The following PPP2R2B variants were observed in gnomAD, a reference collection of about 807,000 sequenced individuals.
PPP2R2B encodes protein phosphatase 2 regulatory subunit Bbeta, also known as serine/threonine-protein phosphatase 2A 55 kDa regulatory subunit B beta isoform.
A neutral mutation model predicts 46.0 loss-of-function variants in PPP2R2B; 5 were observed. The observed-to-expected ratio is 0.11, with a 90% CI of 0.06 to 0.23. The LOEUF is 0.23. Among genes scored for constraint, PPP2R2B ranks in the 10% least tolerant of loss-of-function variants. PPP2R2B has a pLI of 1.00. For missense variants in PPP2R2B, 367 were observed against 575.0 expected (o/e 0.64, Z 3.70); for synonymous variants, 215 against 206.7 (o/e 1.04, Z -0.34).
intron 7 of PPP2R2B, among the ~76,000 whole-genome samples, chr5:146,615,531 G>GAA (rs1253673718): frequency 3.6e-5 from 4 of 111,176 alleles, no homozygotes; most frequent in African/African-American, 7.1e-5. Flanking sequence ...AAAAAAAAAA[G>GAA]AAAAAAAAAA....
In PPP2R2B at chr5:146,586,866, C is replaced by T. The variant is rs1770189397; in HGVS notation, c.*3081G>A. ...TTTTTTGTTTTTTCTAACTAATCTT[C>T]CTCCTCCTGACAGAAGAGTACGAAT... On this transcript the variant is annotated 3_prime_UTR_variant, in exon 10 of 10. Transcript: ENST00000394411. 6.6e-6 allele frequency: 1 copy of T among 152,128 alleles called. No individual in the cohort carries two copies. 9.4% of individuals were successfully genotyped at this position (152,128 alleles called of 1,614,324 possible). A position where few individuals can be genotyped will look rare whatever the true frequency, so the allele number is the denominator to read the frequency against.
chr5:146,725,881 C>G (rs1201807181), intron 2 of PPP2R2B, among the ~76,000 whole-genome samples: 1 of 152,198 alleles, frequency 6.6e-6, no homozygotes, highest in East Asian at 1.9e-4. Context: ...CACTGTTGTA[C>G]CTTGTGCCTA....
intron 2 of PPP2R2B, among the ~76,000 whole-genome samples, chr5:146,829,857 A>G (rs1232070415): frequency 6.6e-6 from 1 of 152,160 alleles, no homozygotes; most frequent in Non-Finnish European, 1.5e-5. Context: ...CATTGCAGGC[A>G]AATTGGCTAG....
chr5:146,702,671 G>A (rs1168804416), intron 2 of PPP2R2B, among the ~76,000 whole-genome samples: 1 of 152,156 alleles, frequency 6.6e-6, no homozygotes, highest in Non-Finnish European at 1.5e-5. Context: ...TTTATACATT[G>A]GCAAGTATTT....
chr5:146,709,017 C>G (rs1780065030), intron 2 of PPP2R2B, among the ~76,000 whole-genome samples: 1 of 152,232 alleles, frequency 6.6e-6, no homozygotes, highest in Non-Finnish European at 1.5e-5. Context: ...ACACATGCCA[C>G]ATGCTTGCTA....
rs574936190 is a variant in PPP2R2B, at chr5:146,924,852, C to T, written c.79+130813G>A. 2.8e-3 allele frequency among the ~76,000 whole-genome samples: 427 copies of T among 152,214 alleles called. 2 individuals are homozygous for T. The highest frequency in any genetic ancestry group is 5.0e-3 in the Non-Finnish European group (337 of 68,016). On this transcript the variant is annotated intron_variant, in intron 1 of 8. Transcript: ENST00000336640. ...ATGGTTTCCAGCTTCATCCATGTCC[C>T]TGCAAAGGACATCAACTCATCCTTT...
At chr5:146,631,746 A>G (rs1349430833) in intron 7 of PPP2R2B, among the ~76,000 whole-genome samples, 2 of 152,200 alleles carry the variant, frequency 1.3e-5, no homozygotes, top group East Asian at 3.8e-4. Flanking sequence ...CACACGGACA[A>G]CCTGCCTGGT....
chr5:146,652,150 G>C (rs976156295), intron 5 of PPP2R2B, among the ~76,000 whole-genome samples: 2 of 152,164 alleles, frequency 1.3e-5, no homozygotes, highest in African/African-American at 4.8e-5. Flanking sequence ...GCAGCGAATG[G>C]GAGACCAGGG....
intron 2 of PPP2R2B, among the ~76,000 whole-genome samples, chr5:146,757,211 T>C (rs1753888053): frequency 6.6e-6 from 1 of 152,064 alleles, no homozygotes; most frequent in South Asian, 2.1e-4. Flanking sequence ...GCCCAGGCCA[T>C]GGTGGAATGT....
chr5:146,842,330 C>T (rs1356099350), intron 2 of PPP2R2B, among the ~76,000 whole-genome samples: 1 of 151,884 alleles, frequency 6.6e-6, no homozygotes, highest in Non-Finnish European at 1.5e-5. Context: ...TTCCTTCCCA[C>T]CCCCACACAT....
At position 146,896,455 on chromosome 5, in the gene PPP2R2B, T is replaced by C. The variant is rs575406801; in HGVS notation, c.79+159210A>G. Among the ~76,000 whole-genome samples, 133 of 152,300 alleles carry C rather than the reference T, an allele frequency of 8.7e-4. 2 individuals are homozygous for C. The highest frequency in any genetic ancestry group is 3.1e-3 in the African/African-American group (128 of 41,562). On this transcript the variant is annotated intron_variant, in intron 1 of 8. Coordinates refer to the PPP2R2B transcript ENST00000336640. ...TTCCACTTACATTTCTCTATGCAAA[T>C]TTCTGTTCCAGCCTTCCACTCAGTA... is the stretch of plus-strand genomic sequence containing the variant.
At chr5:147,056,173 G>T, upstream of PPP2R2B, 1 of 981,804 alleles carries the variant, frequency 1.0e-6, no homozygotes, top group Non-Finnish European at 1.2e-6. Context: ...CTCTTATTTA[G>T]CTGAAAGATC....
chr5:146,676,802 T>C (rs1479508972), intron 5 of PPP2R2B, among the ~76,000 whole-genome samples: 1 of 152,190 alleles, frequency 6.6e-6, no homozygotes, highest in Admixed American at 6.5e-5. Flanking sequence ...AGTAGGGACT[T>C]AATAAGTGCT....
At chr5:147,039,238 C>T (rs1413918490) in intron 1 of PPP2R2B, among the ~76,000 whole-genome samples, 2 of 152,086 alleles carry the variant, frequency 1.3e-5, no homozygotes, top group Non-Finnish European at 1.5e-5. Context: ...AATGATTTAC[C>T]CTGTTTTTAT....
intron 2 of PPP2R2B, among the ~76,000 whole-genome samples, chr5:146,822,838 G>A (rs912290685): frequency 3.3e-5 from 5 of 152,056 alleles, no homozygotes; most frequent in African/African-American, 2.4e-5. Flanking sequence ...CACCACTAAA[G>A]CACCAAGATA....
At chr5:146,608,614 G>A (rs1772534359) in intron 7 of PPP2R2B, among the ~76,000 whole-genome samples, 1 of 152,146 alleles carries the variant, frequency 6.6e-6, no homozygotes, top group Non-Finnish European at 1.5e-5. Context: ...GGCCAATATG[G>A]TGAAACCCCA....
At chr5:146,818,309 G>A (rs1758052617) in intron 2 of PPP2R2B, among the ~76,000 whole-genome samples, 2 of 150,316 alleles carry the variant, frequency 1.3e-5, no homozygotes. Context: ...AATAATTAAT[G>A]AAATAAATTG....
chr5:146,986,248 A>C (rs1382947580), intron 1 of PPP2R2B, among the ~76,000 whole-genome samples: 1 of 152,164 alleles, frequency 6.6e-6, no homozygotes, highest in Non-Finnish European at 1.5e-5. Flanking sequence ...GAGACTTTGC[A>C]TTGGAACTTA....
rs781377067 is a variant in PPP2R2B at position 146,593,030 on chromosome 5, G to T, written c.993C>A (p.Ser331=). 5 of 1,613,848 alleles carry T rather than the reference G, an allele frequency of 3.1e-6. No individual in the cohort carries two copies. Among genetic ancestry groups the T allele is most frequent in the Non-Finnish European group, 4.2e-6 (5 of 1,179,828 alleles). Residue 331 remains serine (S), a synonymous_variant, in exon 9 of 10, where the codon TCC becomes TCA. Coordinates refer to ENST00000394411, the MANE Select transcript of PPP2R2B (RefSeq NM_181675.4). ...CAAAAATGCAGTCATTTTCATAGAG[G>T]GAACACAGCTTGCTGCGGAGGTAGT... ...VHDYLRSKLC[S]LYENDCIFDK...
Sources: allele counts gnomAD v4.1 joint callset (sites outside exome capture counted in the v4.1 genomes callset), GRCh38; gene constraint gnomAD v4.1.1; transcripts MANE v1.5; gene names NCBI Gene and HGNC (gene_info 2026-07-23, HGNC 2026-07-21).